Variants in HDX observed in about 807,000 individuals in gnomAD.
The protein encoded by HDX is highly divergent homeobox.
HDX carries 19 observed loss-of-function variants against 45.2 expected under a neutral mutation model. That is an observed-to-expected ratio of 0.42 (90% confidence interval 0.29 to 0.62). The LOEUF (loss-of-function observed/expected upper bound fraction) is 0.62. Ranked by LOEUF, HDX falls within the 20% of genes least tolerant of loss-of-function variation. The pLI is 0.20. For missense variants in HDX, 532 were observed against 493.9 expected, an observed-to-expected ratio of 1.08 and a Z score of -0.73; for synonymous variants, 188 against 172.8, an observed-to-expected ratio of 1.09 and a Z score of -0.69.
intron 1 of HDX, among the ~76,000 whole-genome samples, chrX:84,490,140 CATT>C (rs1602554860): frequency 9.0e-6 from 1 of 111,338 alleles, no homozygotes; most frequent in African/African-American, 3.3e-5. Context: ...CATTCTCCCT[CATT>C]ATGATATTGG....
chrX:84,359,438 T>C (rs1262388765), intron 6 of HDX, among the ~76,000 whole-genome samples: 6 of 110,221 alleles, frequency 5.4e-5, no homozygotes, highest in African/African-American at 2.0e-4. Context: ...TGAGAACATG[T>C]GGGGTTTGGT....
chrX:84,459,841 G>A (rs1256920505), intron 4 of HDX, among the ~76,000 whole-genome samples: 2 of 110,882 alleles, frequency 1.8e-5, no homozygotes, highest in African/African-American at 3.3e-5. Flanking sequence ...CAAAATCAGA[G>A]GTATAAAAGG....
At chrX:84,480,246 T>G (rs921124941) in intron 2 of HDX, among the ~76,000 whole-genome samples, 1 of 111,753 alleles carries the variant, frequency 8.9e-6, no homozygotes, top group African/African-American at 3.2e-5. Flanking sequence ...TTCCAGGGGA[T>G]TCAGTTGATT....
rs752859337 is a variant in HDX, at chrX:84,355,449, A to T, written c.1452+6017T>A. 2.7e-5 allele frequency among the ~76,000 whole-genome samples: 3 copies of T among 111,880 alleles called. No individual in the cohort carries two copies. The South Asian group carries it at 1.1e-3, about 42-fold the overall frequency. On this transcript the variant is annotated intron_variant, in intron 6 of 10. Transcript: ENST00000373177. ...TCCAATGTATTATCCTCATTTAGGA[A>T]TAATTGATCACACTAAATTTCAAGT...
At chrX:84,458,418 T>C (rs1022015942) in intron 4 of HDX, among the ~76,000 whole-genome samples, 2 of 112,158 alleles carry the variant, frequency 1.8e-5, no homozygotes, top group Non-Finnish European at 3.8e-5. Context: ...AAACCGGTTG[T>C]TTGAAAGATT....
At chrX:84,385,039 A>T (rs981922031) in intron 5 of HDX, among the ~76,000 whole-genome samples, 4 of 107,951 alleles carry the variant, frequency 3.7e-5, no homozygotes, top group Non-Finnish European at 7.7e-5. Context: ...GAAAGTTAGA[A>T]TTTTTTTTTC....
At chrX:84,334,672 C>CAA (rs60988215) in intron 8 of HDX, among the ~76,000 whole-genome samples, 24 of 51,690 alleles carry the variant, frequency 4.6e-4, no homozygotes, top group African/African-American at 1.3e-3. Flanking sequence ...AAAAAAAAAG[C>CAA]AAAAAAAAAA....
intron 4 of HDX, among the ~76,000 whole-genome samples, chrX:84,466,760 A>T (rs1192298063): frequency 2.7e-5 from 3 of 111,688 alleles, no homozygotes; most frequent in Non-Finnish European, 5.6e-5. Flanking sequence ...CTGTATGGTA[A>T]AGCAGAAAAT....
chrX:84,356,734 T>C (rs1455072813), intron 6 of HDX, among the ~76,000 whole-genome samples: 3 of 104,390 alleles, frequency 2.9e-5, no homozygotes, highest in African/African-American at 1.1e-4. Flanking sequence ...GCCATTCTCC[T>C]GCCTCAGCTT....
At chrX:84,367,331 C>T (rs1165053004) in intron 5 of HDX, among the ~76,000 whole-genome samples, 1 of 112,084 alleles carries the variant, frequency 8.9e-6, no homozygotes, top group Non-Finnish European at 1.9e-5. Flanking sequence ...GAATGGCAAT[C>T]ATTAAAAATT....
chrX:84,419,952 T>A (rs2039211502), intron 5 of HDX, among the ~76,000 whole-genome samples: 1 of 111,763 alleles, frequency 8.9e-6, no homozygotes, highest in Non-Finnish European at 1.9e-5. Flanking sequence ...AACCACAGTG[T>A]TAAAGGGCTT....
chrX:84,455,599 C>A (rs5968329), intron 4 of HDX, among the ~76,000 whole-genome samples: 4,891 of 111,217 alleles, frequency 0.044, 260 homozygotes, highest in African/African-American at 0.15. Flanking sequence ...CTCAAAAGGG[C>A]AAATCTAAAA....
At chrX:84,459,566 A>G (rs1278140797) in intron 4 of HDX, among the ~76,000 whole-genome samples, 2 of 111,990 alleles carry the variant, frequency 1.8e-5, no homozygotes, top group Non-Finnish European at 3.8e-5. Flanking sequence ...AGGAAAGTTT[A>G]AAGCTGTAAG....
intron 5 of HDX, among the ~76,000 whole-genome samples, chrX:84,433,690 A>C (rs186815506): frequency 2.7e-5 from 3 of 110,882 alleles, no homozygotes; most frequent in African/African-American, 6.5e-5. Context: ...GTTCCATATA[A>C]ATTTTAGGAT....
intron 5 of HDX, among the ~76,000 whole-genome samples, chrX:84,427,785 A>T (rs754751949): frequency 7.2e-5 from 8 of 111,384 alleles, no homozygotes; most frequent in African/African-American, 2.6e-4. Context: ...CTTTGTATGG[A>T]TATGTGCTAT....
At chrX:84,433,610 T>A (rs2039553671) in intron 5 of HDX, among the ~76,000 whole-genome samples, 2 of 111,756 alleles carry the variant, frequency 1.8e-5, no homozygotes, top group Non-Finnish European at 3.8e-5. Flanking sequence ...ATTTTGACGT[T>A]TGGTAGTGTG....
chrX:84,416,379 T>C (rs2039102830), intron 5 of HDX, among the ~76,000 whole-genome samples: 1 of 111,941 alleles, frequency 8.9e-6, no homozygotes, highest in Admixed American at 9.5e-5. Context: ...AAGATTTTAT[T>C]TGGATGTGAG....
chrX:84,475,977 TA>T (rs1410771642), intron 2 of HDX, among the ~76,000 whole-genome samples: 1 of 112,214 alleles, frequency 8.9e-6, no homozygotes, highest in Non-Finnish European at 1.9e-5. Context: ...TAGGGAATAC[TA>T]AACAAAATAA....
intron 6 of HDX, among the ~76,000 whole-genome samples, chrX:84,350,028 G>A (rs1219122264): frequency 9.1e-6 from 1 of 110,349 alleles, no homozygotes; most frequent in Non-Finnish European, 1.9e-5. Flanking sequence ...CAATATATGT[G>A]TGTAACAAAA....
Sources: allele counts gnomAD v4.1 joint callset (sites outside exome capture counted in the v4.1 genomes callset), GRCh38; gene constraint gnomAD v4.1.1; transcripts MANE v1.5; gene names NCBI Gene and HGNC (gene_info 2026-07-23, HGNC 2026-07-21).